The following EPHA6 variants were observed in gnomAD, a reference collection of about 807,000 sequenced individuals.
EPHA6 encodes EPH receptor A6.
Under a neutral mutation model 112.0 loss-of-function variants are expected in EPHA6, and 50 were observed. The observed-to-expected ratio is 0.45, with a 90% CI of 0.36 to 0.56. The LOEUF (loss-of-function observed/expected upper bound fraction) is 0.56, where lower values mean the gene tolerates loss of function less well. Among genes scored for constraint, EPHA6 ranks in the 20% least tolerant of loss-of-function variants. EPHA6 has a pLI of 0.00. For synonymous variants in EPHA6, 529 were observed against 490.7 expected (o/e 1.08, Z -1.03); for missense variants, 1,280 against 1,417.4 (o/e 0.90, Z 1.56).
At chr3:97,465,278 A>C (rs766678947) in intron 7 of EPHA6, among the ~76,000 whole-genome samples, 38 of 152,088 alleles carry the variant, frequency 2.5e-4, no homozygotes, top group Non-Finnish European at 3.8e-4. Flanking sequence ...TGAAAAAATC[A>C]ATATGCATAA....
chr3:97,679,927 C>CTTA (rs1472855143), intron 14 of EPHA6, among the ~76,000 whole-genome samples: 2 of 152,124 alleles, frequency 1.3e-5, no homozygotes, highest in African/African-American at 4.8e-5. Flanking sequence ...TTTTGCTTGC[C>CTTA]TTACATGGGC....
At chr3:97,611,742 C>G (rs2093722257) in intron 13 of EPHA6, among the ~76,000 whole-genome samples, 1 of 151,788 alleles carries the variant, frequency 6.6e-6, no homozygotes, top group Admixed American at 6.6e-5. Flanking sequence ...GACTTTGCCA[C>G]TTGGGATGTT....
At chr3:97,475,953 A>G (rs1560047984) in intron 8 of EPHA6, among the ~76,000 whole-genome samples, 1 of 152,094 alleles carries the variant, frequency 6.6e-6, no homozygotes, top group East Asian at 1.9e-4. Flanking sequence ...AGTAAATTTA[A>G]CATAGCAAAA....
intron 3 of EPHA6, among the ~76,000 whole-genome samples, chr3:97,008,622 A>G (rs1482193517): frequency 6.6e-6 from 1 of 152,072 alleles, no homozygotes; most frequent in Non-Finnish European, 1.5e-5. Context: ...CAATTTATCC[A>G]TCTTATCCTC....
chr3:96,925,223 A>G lies in EPHA6; in HGVS notation c.450+58334A>G, dbSNP rs115239248. Among the ~76,000 whole-genome samples the G allele has an allele frequency of 3.6e-3, 553 of 152,260 alleles. 3 individuals are homozygous for G. Among genetic ancestry groups the G allele is most frequent in the African/African-American group, 0.013 (538 of 41,570 alleles). On this transcript the variant is annotated intron_variant, in intron 2 of 17. Transcript: ENST00000389672. Reference sequence around the variant, plus strand: ...TTGGAATAGTTTCATTAGAAATGTTACAGCTCTTTTTTGTGCCTCTCATTA... The same window carrying G: ...TTGGAATAGTTTCATTAGAAATGTTGCAGCTCTTTTTTGTGCCTCTCATTA...
intron 10 of EPHA6, among the ~76,000 whole-genome samples, chr3:97,488,808 A>G (rs1464914864): frequency 2.6e-5 from 4 of 152,232 alleles, no homozygotes; most frequent in Admixed American, 6.5e-5. Flanking sequence ...GTATTCTTGA[A>G]AACTTTGCAT....
At chr3:97,058,300 T>C (rs1218914528) in intron 3 of EPHA6, among the ~76,000 whole-genome samples, 1 of 151,982 alleles carries the variant, frequency 6.6e-6, no homozygotes, top group Non-Finnish European at 1.5e-5. Flanking sequence ...TTTTTTTTGT[T>C]GTTGTTGTTG....
At chr3:97,474,336 A>G (rs538382078) in intron 7 of EPHA6, among the ~76,000 whole-genome samples, 3 of 151,682 alleles carry the variant, frequency 2.0e-5, no homozygotes, top group Non-Finnish European at 4.4e-5. Context: ...AGTCAAAATA[A>G]AAAACAAGTT....
At chr3:97,554,834 T>C (rs1391201586) in intron 11 of EPHA6, among the ~76,000 whole-genome samples, 3 of 152,070 alleles carry the variant, frequency 2.0e-5, no homozygotes, top group Non-Finnish European at 2.9e-5. Flanking sequence ...TCTGATGTTT[T>C]GACATCTAAG....
intron 5 of EPHA6, among the ~76,000 whole-genome samples, chr3:97,357,979 A>T (rs558811272): frequency 3.9e-4 from 60 of 152,264 alleles, no homozygotes; most frequent in Admixed American, 1.4e-3. Context: ...TGGCAGATGC[A>T]GAAGATGTGG....
At chr3:97,103,613 C>T (rs928619708) in intron 3 of EPHA6, among the ~76,000 whole-genome samples, 2 of 152,014 alleles carry the variant, frequency 1.3e-5, no homozygotes, top group African/African-American at 4.8e-5. Flanking sequence ...ATTTCCTTGG[C>T]TATTTGGGCT....
chr3:97,214,481 CAAAAAAA>C (rs1166034294), intron 3 of EPHA6, among the ~76,000 whole-genome samples: 1 of 63,036 alleles, frequency 1.6e-5, no homozygotes, highest in Non-Finnish European at 3.8e-5. Context: ...AACTTTGTCT[CAAAAAAA>C]AAAAAAAAAA....
intron 5 of EPHA6, among the ~76,000 whole-genome samples, chr3:97,331,121 C>G (rs1036706955): frequency 3.9e-5 from 6 of 152,128 alleles, no homozygotes; most frequent in Non-Finnish European, 8.8e-5. Context: ...TACATGGAAA[C>G]TGAACAACCT....
intron 14 of EPHA6, among the ~76,000 whole-genome samples, chr3:97,689,665 T>C (rs927249865): frequency 6.6e-6 from 1 of 152,210 alleles, no homozygotes; most frequent in African/African-American, 2.4e-5. Context: ...AACAGAAATG[T>C]CGATCATTTA....
chr3:97,606,411 A>C (rs542070071), intron 12 of EPHA6, among the ~76,000 whole-genome samples: 2 of 151,356 alleles, frequency 1.3e-5, no homozygotes. Context: ...AACAGATTTT[A>C]TGTAGAATCA....
At chr3:96,896,107 A>G (rs1313482532) in intron 2 of EPHA6, among the ~76,000 whole-genome samples, 2 of 152,170 alleles carry the variant, frequency 1.3e-5, no homozygotes, top group African/African-American at 4.8e-5. Context: ...CATGACAGTG[A>G]CAGTATATAT....
intron 10 of EPHA6, among the ~76,000 whole-genome samples, chr3:97,508,578 T>C (rs2092301867): frequency 6.6e-6 from 1 of 152,154 alleles, no homozygotes; most frequent in African/African-American, 2.4e-5. Context: ...TACTTCCAAT[T>C]ATGTGGTCAA....
chr3:97,370,264 A>C (rs747878909), intron 5 of EPHA6, among the ~76,000 whole-genome samples: 4 of 152,220 alleles, frequency 2.6e-5, no homozygotes, highest in Non-Finnish European at 4.4e-5. Flanking sequence ...AGAAGAAATA[A>C]TAATTGCTTC....
chr3:96,819,310 A>G (rs1429391993), intron 1 of EPHA6, among the ~76,000 whole-genome samples: 1 of 152,090 alleles, frequency 6.6e-6, no homozygotes, highest in African/African-American at 2.4e-5. Flanking sequence ...ATTAAAAAAT[A>G]TTAGAGTAGA....
Sources: allele counts gnomAD v4.1 joint callset (sites outside exome capture counted in the v4.1 genomes callset), GRCh38; gene constraint gnomAD v4.1.1; transcripts MANE v1.5; gene names NCBI Gene and HGNC (gene_info 2026-07-23, HGNC 2026-07-21).